Variants in PLCL1 observed in about 807,000 individuals in gnomAD.
PLCL1 encodes the protein inactive phospholipase C-like protein 1.
Under a neutral mutation model 84.4 loss-of-function variants are expected in PLCL1, and 41 were observed. That is an observed-to-expected ratio of 0.49 (90% CI 0.38 to 0.63). The LOEUF (loss-of-function observed/expected upper bound fraction) is 0.63. Among genes scored for constraint, PLCL1 ranks in the 30% least tolerant of loss-of-function variants. The pLI is 0.00. For synonymous variants in PLCL1, 490 were observed against 488.3 expected, an observed-to-expected ratio of 1.00 and a Z score of -0.05; for missense variants, 1,206 against 1,367.8, an observed-to-expected ratio of 0.88 and a Z score of 1.87.
chr2:198,085,669 G>T lies in PLCL1; in HGVS notation c.2152G>T (p.Val718Leu), dbSNP rs778663714. 1.9e-6 allele frequency: 3 copies of T among 1,613,978 alleles called. No individual in the cohort carries two copies. Among genetic ancestry groups the T allele is most frequent in the Middle Eastern group, 1.6e-4 (1 of 6,084 alleles). The change falls in exon 2 of 6, where the codon GTG becomes TTG. Residue 718 changes from valine (V) to leucine (L), a missense_variant. Coordinates refer to ENST00000428675, the MANE Select transcript of PLCL1 (RefSeq NM_006226.4). This position sits in a 1 kb window ranked among gnomAD's most constrained non-coding sequence, Gnocchi z 5.3. ...SANTKGILPG[V>L]SPLALHIKII... is the part of the protein sequence containing the mutation. The stretch of plus-strand genomic sequence containing the variant: ...AAATACAAAGGGCATTCTACCTGGG[G>T]TGTCTCCTCTAGCTCTTCATATCAA...
intron 1 of PLCL1, among the ~76,000 whole-genome samples, chr2:198,040,429 C>A (rs1240752395): frequency 1.3e-5 from 2 of 152,078 alleles, no homozygotes; most frequent in African/African-American, 4.8e-5. Context: ...TTTTGAAAAG[C>A]TTTTCCCCAA....
intron 1 of PLCL1, among the ~76,000 whole-genome samples, chr2:197,982,791 A>C (rs1212123210): frequency 6.6e-6 from 1 of 152,222 alleles, no homozygotes; most frequent in Non-Finnish European, 1.5e-5. Flanking sequence ...GCAGGGCTGA[A>C]GCCTTGGAGG....
intron 1 of PLCL1, among the ~76,000 whole-genome samples, chr2:197,919,471 C>T (rs1688665290): frequency 6.6e-6 from 1 of 152,186 alleles, no homozygotes; most frequent in Admixed American, 6.5e-5. Flanking sequence ...GAAGCTCCAC[C>T]TCCTTGACAA....
chr2:198,056,387 AC>A (rs1321864246), intron 1 of PLCL1, among the ~76,000 whole-genome samples: 1 of 152,146 alleles, frequency 6.6e-6, no homozygotes, highest in Non-Finnish European at 1.5e-5. Context: ...ACAAAGTGGG[AC>A]TTTTCTGGTA....
At chr2:198,142,582 T>C (rs1246843462) in intron 5 of PLCL1, among the ~76,000 whole-genome samples, 1 of 152,326 alleles carries the variant, frequency 6.6e-6, no homozygotes, top group East Asian at 1.9e-4. Flanking sequence ...TCAGAATTTC[T>C]ATAATGATCT....
intron 1 of PLCL1, among the ~76,000 whole-genome samples, chr2:197,897,095 ACTC>A (rs1559038387): frequency 5.9e-4 from 87 of 147,814 alleles, no homozygotes; most frequent in Admixed American, 8.7e-4. Context: ...TAGAAGTATG[ACTC>A]CTTCTTCTTC....
chr2:197,978,717 C>T (rs1315543884), intron 1 of PLCL1, among the ~76,000 whole-genome samples: 1 of 152,218 alleles, frequency 6.6e-6, no homozygotes, highest in African/African-American at 2.4e-5. Context: ...GGCAGCTCAG[C>T]GTAGCTCAGG....
chr2:197,912,806 TGGGGGG>T lies in PLCL1; in HGVS notation c.240+107468_240+107473del, dbSNP rs1559043151. 4.5e-3 allele frequency among the ~76,000 whole-genome samples: 63 copies of T among 14,014 alleles called. 2 individuals carry two copies. The highest frequency in any genetic ancestry group is 0.023 in the African/African-American group (62 of 2,706). 9.2% of individuals were successfully genotyped at this position (14,014 alleles called of 152,430 possible). A position where few individuals can be genotyped will look rare whatever the true frequency, so the allele number is the denominator to read the frequency against. The stretch of plus-strand genomic sequence containing the variant: ...CTGGGGACCGTGGTGGGGTGGGGGG[TGGGGGG>T]AGGGGGGAGGGATAGCATTGGGAGA... On this transcript the variant is annotated intron_variant, in intron 1 of 5. Coordinates refer to ENST00000428675, the MANE Select transcript of PLCL1 (RefSeq NM_006226.4).
chr2:197,997,570 C>A (rs77733985), intron 1 of PLCL1, among the ~76,000 whole-genome samples: 4,067 of 152,280 alleles, frequency 0.027, 190 homozygotes, highest in African/African-American at 0.092. Context: ...GCCCTGCACG[C>A]ACTGATGGCT....
chr2:198,085,878 C>T lies in PLCL1; in HGVS notation c.2361C>T (p.Asn787=). 6.2e-7 allele frequency: 1 copy of T among 1,614,114 alleles called. No homozygotes were observed. Among genetic ancestry groups the T allele is most frequent in the East Asian group, 2.2e-5 (1 of 44,886 alleles). ...IFDETFEFQV[N]LPELAMIRFV... is the part of the protein sequence containing the mutation. The stretch of plus-strand genomic sequence containing the variant: ...ATGAAACTTTTGAGTTCCAAGTAAA[C>T]CTACCTGAGCTGGCCATGATCCGTT... Residue 787 remains asparagine, a synonymous_variant, in exon 2 of 6, where the codon AAC becomes AAT. Coordinates refer to ENST00000428675, the MANE Select transcript of PLCL1 (RefSeq NM_006226.4). The surrounding 1 kb of genome is among the most constrained non-coding windows in gnomAD (Gnocchi z 5.3).
At chr2:197,948,259 T>C (rs545598897) in intron 1 of PLCL1, among the ~76,000 whole-genome samples, 1 of 152,258 alleles carries the variant, frequency 6.6e-6, no homozygotes, top group East Asian at 1.9e-4. Context: ...CACTGTTAAC[T>C]AAGAACGCTG....
intron 1 of PLCL1, among the ~76,000 whole-genome samples, chr2:198,027,457 C>T (rs556190583): frequency 3.9e-5 from 6 of 152,012 alleles, no homozygotes; most frequent in South Asian, 2.1e-4. Flanking sequence ...TTAATAAAAA[C>T]GTATTGTATA....
intron 5 of PLCL1, among the ~76,000 whole-genome samples, chr2:198,115,499 G>A (rs1029326434): frequency 4.0e-5 from 6 of 151,808 alleles, no homozygotes; most frequent in African/African-American, 1.5e-4. Flanking sequence ...AACCATCCCT[G>A]ATTTCCTGGA....
intron 5 of PLCL1, among the ~76,000 whole-genome samples, chr2:198,106,409 C>T (rs1384327252): frequency 1.3e-5 from 2 of 151,930 alleles, no homozygotes; most frequent in East Asian, 1.9e-4. Flanking sequence ...ACCCTGACCT[C>T]ATGAAGTTAG....
chr2:198,137,948 G>A (rs1426152092), intron 5 of PLCL1, among the ~76,000 whole-genome samples: 1 of 152,082 alleles, frequency 6.6e-6, no homozygotes, highest in East Asian at 1.9e-4. Context: ...TGTGTTCTGG[G>A]AAGTTGTAGA....
Position 197,856,010 on chromosome 2 carries a change from A to G in PLCL1, c.240+50671A>G, listed in dbSNP as rs149706506. ...TTTGAACCTAAAACAGAGGCCAGCC[A>G]TATCTACAGCAAGTGTCCCCACCAA... On this transcript the variant is annotated intron_variant, in intron 1 of 5. Transcript: ENST00000428675. 1.1e-3 allele frequency among the ~76,000 whole-genome samples: 165 copies of G among 152,282 alleles called. 1 individual carries two copies. Among genetic ancestry groups the G allele is most frequent in the African/African-American group, 3.8e-3 (157 of 41,570 alleles).
chr2:197,865,976 C>T (rs1324944259), intron 1 of PLCL1, among the ~76,000 whole-genome samples: 1 of 133,908 alleles, frequency 7.5e-6, no homozygotes, highest in Admixed American at 8.0e-5. Context: ...CACCACTGCA[C>T]TCCAGCCTGG....
At chr2:198,089,492 A>G (rs1692967161) in intron 3 of PLCL1, among the ~76,000 whole-genome samples, 1 of 152,120 alleles carries the variant, frequency 6.6e-6, no homozygotes, top group Admixed American at 6.5e-5. Context: ...CCTTATCCTC[A>G]TGGTCCAAAA....
chr2:198,031,097 A>G (rs761817212), intron 1 of PLCL1, among the ~76,000 whole-genome samples: 2 of 152,094 alleles, frequency 1.3e-5, no homozygotes, highest in Non-Finnish European at 2.9e-5. Context: ...CTGGCCAGGC[A>G]TAGTGATTTA....
Sources: gnomAD v4.1 joint callset for allele counts (sites outside exome capture counted in the v4.1 genomes callset) on GRCh38, gnomAD v4.1.1 for gene constraint, Gnocchi (gnomAD v3.1) non-coding constraint, MANE v1.5 for transcripts, NCBI Gene and HGNC (gene_info 2026-07-23, HGNC 2026-07-21) for gene names.